MCF2: variants seen among roughly 807,000 people sequenced by gnomAD.
MCF2 encodes the protein proto-oncogene DBL.
A neutral mutation model predicts 82.5 loss-of-function variants in MCF2; 44 were observed. The ratio of observed to expected loss-of-function variants is 0.53; its 90% confidence interval spans 0.42 to 0.69. MCF2 has a LOEUF of 0.69. MCF2 is among the 30% of genes least tolerant of loss of function. MCF2 has a pLI of 0.00. For missense variants in MCF2, 623 were observed against 663.1 expected (o/e 0.94, Z 0.66); for synonymous variants, 217 against 224.9 (o/e 0.96, Z 0.32).
chrX:139,649,590 A>C (rs1011961388), intron 2 of MCF2, among the ~76,000 whole-genome samples: 7 of 111,898 alleles, frequency 6.3e-5, no homozygotes, highest in Non-Finnish European at 1.1e-4. Flanking sequence ...ATCATTGACT[A>C]ATCTATAAAT....
At chrX:139,692,304 C>A (rs1169645985) in intron 1 of MCF2, 2 of 291,812 alleles carry the variant, frequency 6.9e-6, no homozygotes, top group East Asian at 8.0e-5. Flanking sequence ...CCCCGCTCAG[C>A]CCAGCTGCGC....
intron 1 of MCF2, among the ~76,000 whole-genome samples, chrX:139,695,929 C>G (rs1935370873): frequency 9.0e-6 from 1 of 111,638 alleles, no homozygotes; most frequent in East Asian, 2.8e-4. Flanking sequence ...TACTGCCAAC[C>G]CTTATTGGAA....
In MCF2 at chrX:139,628,587, G is replaced by A. The variant is rs764045682; in HGVS notation, c.438+1108C>T. On this transcript the variant is annotated intron_variant, in intron 4 of 24. Transcript: ENST00000370576. ...CCTCAGCATCCCACAATTTATCCAT[G>A]TAACAAACCTGCACATGTACCCTCT... 1.3e-4 allele frequency among the ~76,000 whole-genome samples: 15 copies of A among 111,520 alleles called. No individual in the cohort carries two copies. The South Asian group carries it at 5.7e-3, about 42-fold the overall frequency.
At chrX:139,626,730 T>G (rs781071959) in exon 5 of MCF2, 17 of 1,209,802 alleles carry the variant, frequency 1.4e-5, no homozygotes, top group Non-Finnish European at 8.9e-6. Context: ...GAATTTTTCC[T>G]TCTTTGGTTA....
At chrX:139,637,376 T>C (rs1933290094) in intron 1 of MCF2, among the ~76,000 whole-genome samples, 1 of 111,875 alleles carries the variant, frequency 8.9e-6, no homozygotes, top group Non-Finnish European at 1.9e-5. Flanking sequence ...CACACGTGAA[T>C]AAGACATACC....
chrX:139,626,862 T>A, intron 4 of MCF2, 106 bp from the exon 8 acceptor site: 2 of 679,046 alleles, frequency 2.9e-6, no homozygotes, highest in Admixed American at 6.5e-5. Flanking sequence ...AACAGTTAAT[T>A]CTAGAATGGC....
intron 1 of MCF2, among the ~76,000 whole-genome samples, chrX:139,660,941 G>T (rs1934339875): frequency 8.9e-6 from 1 of 111,749 alleles, no homozygotes; most frequent in Non-Finnish European, 1.9e-5. Context: ...ATTAAGAGAA[G>T]ATGGAAATAT....
chrX:139,614,495 G>A (rs1017276939), intron 10 of MCF2, among the ~76,000 whole-genome samples: 2 of 76,481 alleles, frequency 2.6e-5, no homozygotes. Context: ...CTTATCTAGA[G>A]TAGCAGTAAA....
At chrX:139,667,763 G>T (rs1259604497) in intron 1 of MCF2, among the ~76,000 whole-genome samples, 2 of 111,678 alleles carry the variant, frequency 1.8e-5, no homozygotes, top group African/African-American at 6.5e-5. Context: ...CACTGGAGAG[G>T]GTGGGGCTGT....
chrX:139,605,854 C>T, intron 12 of MCF2, 75 bp from the exon 17 acceptor site: 1 of 804,903 alleles, frequency 1.2e-6, no homozygotes, highest in Non-Finnish European at 1.8e-6. Flanking sequence ...GTATTATCAT[C>T]ATGAGAAGGT....
intron 1 of MCF2, among the ~76,000 whole-genome samples, chrX:139,669,068 C>T (rs1320196511): frequency 1.8e-5 from 2 of 111,471 alleles, no homozygotes; most frequent in East Asian, 5.6e-4. Context: ...AAACTTTGTG[C>T]TTCAAAAGAT....
chrX:139,703,014 G>A (rs1458626272), intron 1 of MCF2, among the ~76,000 whole-genome samples: 1 of 112,227 alleles, frequency 8.9e-6, no homozygotes, highest in Non-Finnish European at 1.9e-5. Flanking sequence ...ACAACTTGGG[G>A]TATCAGGGGC....
intron 1 of MCF2, among the ~76,000 whole-genome samples, chrX:139,681,079 T>A (rs1483235372): frequency 8.9e-6 from 1 of 112,440 alleles, no homozygotes; most frequent in Non-Finnish European, 1.9e-5. Context: ...TTCCTTCTAA[T>A]TGCCATCAAA....
At chrX:139,665,897 GTATATATATA>G (rs761065038) in intron 1 of MCF2, among the ~76,000 whole-genome samples, 3 of 68,587 alleles carry the variant, frequency 4.4e-5, no homozygotes, top group African/African-American at 7.0e-5. Context: ...AGGTGTGTGT[GTATATATATA>G]TATATATATA....
chrX:139,608,992 C>T (rs917456560), intron 11 of MCF2, among the ~76,000 whole-genome samples: 1 of 111,853 alleles, frequency 8.9e-6, no homozygotes, highest in Non-Finnish European at 1.9e-5. Context: ...TTATCATATG[C>T]CACACATGTT....
chrX:139,692,874 C>CA (rs1265028183), intron 1 of MCF2, among the ~76,000 whole-genome samples: 1 of 112,331 alleles, frequency 8.9e-6, no homozygotes, highest in African/African-American at 3.2e-5. Flanking sequence ...ACTCTGATCT[C>CA]AGTCTTTGGA....
chrX:139,672,531 T>A (rs867495722), intron 1 of MCF2, among the ~76,000 whole-genome samples: 4 of 112,496 alleles, frequency 3.6e-5, no homozygotes, highest in African/African-American at 1.3e-4. Context: ...TGAAGCACTG[T>A]TGAATTTTCT....
At chrX:139,645,658 C>G (rs1457922916), upstream of MCF2, 2 of 1,139,715 alleles carry the variant, frequency 1.8e-6, no homozygotes, top group Admixed American at 2.2e-5. Context: ...ATCCATTTTG[C>G]CTGAACGATA....
intron 24 of MCF2, among the ~76,000 whole-genome samples, chrX:139,582,820 A>C (rs141481023): frequency 0.01 from 1,167 of 112,275 alleles, 11 homozygotes; most frequent in African/African-American, 0.036. Flanking sequence ...CAATGCCTTC[A>C]TAGATCATCT....
Sources: gnomAD v4.1 joint callset for allele counts (sites outside exome capture counted in the v4.1 genomes callset) on GRCh38, gnomAD v4.1.1 for gene constraint, MANE v1.5 for transcripts, NCBI Gene and HGNC (gene_info 2026-07-23, HGNC 2026-07-21) for gene names.